The following PHEX variants were observed in gnomAD, a reference collection of about 807,000 sequenced individuals.
PHEX encodes the protein phosphate-regulating neutral endopeptidase PHEX.
Under a neutral mutation model 68.0 loss-of-function variants are expected in PHEX, and 16 were observed. That is an observed-to-expected ratio of 0.24 (90% CI 0.16 to 0.36). The LOEUF (loss-of-function observed/expected upper bound fraction) is 0.36. PHEX is among the 10% of genes least tolerant of loss of function. The probability of loss-of-function intolerance (pLI) is 1.00; values close to 1 mark genes in which losing one functional copy is unlikely to be tolerated. For missense variants in PHEX, 480 were observed against 575.5 expected (o/e 0.83, Z 1.70); for synonymous variants, 208 against 205.1 (o/e 1.01, Z -0.12).
chrX:22,099,237 G>GT (rs1930309334), intron 9 of PHEX, 86 bp downstream of exon 9: 1 of 912,497 alleles, frequency 1.1e-6, no homozygotes, highest in African/African-American at 1.9e-5. Flanking sequence ...TTTGAAAACT[G>GT]TTTTTAAAGA....
chrX:22,214,662 C>A (rs1276418590), intron 16 of PHEX, among the ~76,000 whole-genome samples: 1 of 111,780 alleles, frequency 8.9e-6, no homozygotes, highest in African/African-American at 3.3e-5. Flanking sequence ...TGGCAGTGCC[C>A]ATCCTAGGCC....
intron 1 of PHEX, among the ~76,000 whole-genome samples, chrX:22,038,229 A>G (rs939656284): frequency 1.8e-5 from 2 of 110,760 alleles, no homozygotes; most frequent in African/African-American, 6.6e-5. Context: ...TGGTCTAGTT[A>G]TACTCACTTA....
chrX:22,230,229 C>CTTTTTTTTTTTTTTTTTTT (rs140475343), intron 20 of PHEX, among the ~76,000 whole-genome samples: 1 of 10,939 alleles, frequency 9.1e-5, no homozygotes, highest in African/African-American at 2.9e-4. Flanking sequence ...TATATGGGCT[C>CTTTTTTTTTTTTTTTTTTT]TTTTTTTTTT....
At chrX:22,041,241 A>ATCTC (rs778017024) in intron 2 of PHEX, among the ~76,000 whole-genome samples, 1,941 of 50,834 alleles carry the variant, frequency 0.038, 60 homozygotes, top group Admixed American at 0.07. Context: ...TTCTTAAGTG[A>ATCTC]TCTCTCTCTC....
chrX:22,190,947 T>TAAGTTAATAACGCTAGGAA (rs1934180231), intron 15 of PHEX, among the ~76,000 whole-genome samples: 1 of 112,038 alleles, frequency 8.9e-6, no homozygotes, highest in Non-Finnish European at 1.9e-5. Context: ...TAGGAAGTTA[T>TAAGTTAATAACGCTAGGAA]GTCTTGAGGT....
intron 12 of PHEX, among the ~76,000 whole-genome samples, chrX:22,141,458 G>C (rs1466790149): frequency 1.8e-5 from 2 of 110,950 alleles, no homozygotes; most frequent in Non-Finnish European, 3.8e-5. Context: ...TTTCCCCTCA[G>C]CCATTCACTG....
intron 20 of PHEX, among the ~76,000 whole-genome samples, chrX:22,237,647 G>A (rs1010738427): frequency 9.0e-5 from 10 of 111,480 alleles, no homozygotes; most frequent in African/African-American, 1.3e-4. Context: ...TAGTTTAAAC[G>A]CTCTGACCAA....
At chrX:22,145,551 G>C (rs1244138861) in intron 12 of PHEX, among the ~76,000 whole-genome samples, 1 of 109,083 alleles carries the variant, frequency 9.2e-6, no homozygotes, top group Non-Finnish European at 1.9e-5. Flanking sequence ...AGGAGGTGGA[G>C]GTTGCAGTGA....
At chrX:22,087,716 A>G (rs1269693036) in intron 5 of PHEX, among the ~76,000 whole-genome samples, 1 of 111,568 alleles carries the variant, frequency 9.0e-6, no homozygotes, top group Non-Finnish European at 1.9e-5. Context: ...TTATTCAGAT[A>G]TTACTAATTT....
chrX:22,139,008 A>G (rs1458823238), intron 12 of PHEX, among the ~76,000 whole-genome samples: 1 of 111,914 alleles, frequency 8.9e-6, no homozygotes, highest in Non-Finnish European at 1.9e-5. Context: ...GAAGTATGGT[A>G]TAGAGGTCAG....
At chrX:22,108,805 G>C (rs1930820442) in intron 9 of PHEX, among the ~76,000 whole-genome samples, 1 of 110,537 alleles carries the variant, frequency 9.0e-6, no homozygotes, top group Non-Finnish European at 1.9e-5. Context: ...AGCCAGTCGT[G>C]GTGGCGGGCA....
chrX:22,108,725 T>C (rs1181386450), intron 9 of PHEX, among the ~76,000 whole-genome samples: 1 of 110,983 alleles, frequency 9.0e-6, no homozygotes, highest in African/African-American at 3.3e-5. Context: ...GAGGATCACC[T>C]GAGGTCAGGA....
chrX:22,071,868 C>G (rs186914981), intron 3 of PHEX, among the ~76,000 whole-genome samples: 5 of 111,746 alleles, frequency 4.5e-5, no homozygotes, highest in African/African-American at 1.6e-4. Context: ...GAGGCCGAGG[C>G]GGGTGGATCA....
rs1408130724 is a variant in PHEX at position 22,232,897 on chromosome X, GTCTT to G, written c.2070+5292_2070+5295del. 3.6e-5 allele frequency among the ~76,000 whole-genome samples: 4 copies of G among 110,370 alleles called. No individual in the cohort carries two copies. In the East Asian group the frequency reaches 1.1e-3, roughly 31 times the overall value. ...ATGCAGTTTCTTCATAGTGTTGATGGTCTTTCTTTACAATTTGGTGTTTTTCAGT... is the reference window on the plus strand; with the variant it reads ...ATGCAGTTTCTTCATAGTGTTGATGGTCTTTACAATTTGGTGTTTTTCAGT... On this transcript the variant is annotated intron_variant, in intron 20 of 21. Coordinates refer to ENST00000379374, the MANE Select transcript of PHEX (RefSeq NM_000444.6).
At chrX:22,215,386 A>G (rs1170296321) in intron 16 of PHEX, among the ~76,000 whole-genome samples, 1 of 111,615 alleles carries the variant, frequency 9.0e-6, no homozygotes, top group Non-Finnish European at 1.9e-5. Context: ...GTATTAATAA[A>G]TGGATAGCCT....
chrX:22,087,050 G>T (rs866735344), intron 5 of PHEX, among the ~76,000 whole-genome samples: 2 of 111,846 alleles, frequency 1.8e-5, no homozygotes, highest in Non-Finnish European at 3.8e-5. Context: ...TTGTTGGTTG[G>T]TGTGTTTAAA....
chrX:22,064,716 T>C lies in PHEX; in HGVS notation c.350-11672T>C, dbSNP rs1928523070. On this transcript the variant is annotated intron_variant, in intron 3 of 21. Coordinates refer to ENST00000379374, the MANE Select transcript of PHEX (RefSeq NM_000444.6). ...GTATTATTATTTTGATGAAAATGTA[T>C]ATATTGCAAATTTGTTTGCCTTGCA... 3.6e-5 allele frequency among the ~76,000 whole-genome samples: 4 copies of C among 112,320 alleles called. No individual in the cohort carries two copies. In the Admixed American group the frequency reaches 3.8e-4, roughly 11 times the overall value.
intron 9 of PHEX, among the ~76,000 whole-genome samples, chrX:22,111,130 C>A (rs184482449): frequency 1.6e-4 from 18 of 112,235 alleles, no homozygotes; most frequent in Admixed American, 1.1e-3. Flanking sequence ...ATTCGAGGAT[C>A]TGCTGTAATT....
chrX:22,137,967 C>T (rs1181233441), intron 12 of PHEX, among the ~76,000 whole-genome samples: 1 of 112,248 alleles, frequency 8.9e-6, no homozygotes, highest in Non-Finnish European at 1.9e-5. Flanking sequence ...GTGTGTGGCC[C>T]CCGCTCCCTC....
Sources: gnomAD v4.1 joint callset for allele counts (sites outside exome capture counted in the v4.1 genomes callset) on GRCh38, gnomAD v4.1.1 for gene constraint, MANE v1.5 for transcripts, NCBI Gene and HGNC (gene_info 2026-07-23, HGNC 2026-07-21) for gene names.